Variants in MACF1 observed in about 807,000 individuals in gnomAD.
MACF1 encodes the protein microtubule-actin cross-linking factor 1.
In MACF1, 193 loss-of-function variants were observed where a neutral mutation model predicts 854.8. The ratio of observed to expected loss-of-function variants is 0.23; its 90% CI spans 0.20 to 0.25. The LOEUF is 0.25. Among genes scored for constraint, MACF1 ranks in the 10% least tolerant of loss-of-function variants. The pLI, the probability that MACF1 is intolerant of heterozygous loss-of-function variation, is 1.00. For missense variants in MACF1, 7,722 were observed against 8,929.1 expected, an observed-to-expected ratio of 0.86 and a Z score of 5.45; for synonymous variants, 3,185 against 3,226.7, an observed-to-expected ratio of 0.99 and a Z score of 0.44.
intron 2 of MACF1, among the ~76,000 whole-genome samples, chr1:39,238,520 C>CAA (rs1331799483): frequency 6.6e-6 from 1 of 152,164 alleles, no homozygotes; most frequent in Non-Finnish European, 1.5e-5. Context: ...TTGTCTCTAA[C>CAA]CGTTGGAGGA....
chr1:39,390,162 T>C (rs927727956), intron 58 of MACF1, among the ~76,000 whole-genome samples: 6 of 152,224 alleles, frequency 3.9e-5, no homozygotes, highest in Non-Finnish European at 7.3e-5. Flanking sequence ...GTACATGGAA[T>C]AGATTTGGAA....
intron 6 of MACF1, among the ~76,000 whole-genome samples, chr1:39,266,518 C>T (rs1645233339): frequency 6.7e-6 from 1 of 150,188 alleles, no homozygotes; most frequent in Admixed American, 6.7e-5. Flanking sequence ...GATGGGACAT[C>T]AGGAGGGTCT....
chr1:39,264,662 C>CTTTTTT, intron 6 of MACF1, among the ~76,000 whole-genome samples: 1 of 81,644 alleles, frequency 1.2e-5, no homozygotes, highest in African/African-American at 4.5e-5. Context: ...GATAGGATTT[C>CTTTTTT]TTTTTTTTTT....
At chr1:39,096,875 C>CTTTT (rs34305714) in intron 2 of MACF1, among the ~76,000 whole-genome samples, 4 of 123,802 alleles carry the variant, frequency 3.2e-5, no homozygotes, top group African/African-American at 6.0e-5. Context: ...TGAGGGATTC[C>CTTTT]TTTTTTTTTT....
chr1:39,170,774 G>A (rs1297697953), intron 2 of MACF1, among the ~76,000 whole-genome samples: 2 of 152,170 alleles, frequency 1.3e-5, no homozygotes, highest in Admixed American at 1.3e-4. Context: ...TTTTTGAAAA[G>A]CAAAGCACCT....
intron 31 of MACF1, 115 bp downstream of exon 31, chr1:39,319,862 T>C: frequency 1.4e-6 from 1 of 701,448 alleles, no homozygotes. Context: ...TGCTACAAGC[T>C]GGCCTGATCC....
intron 2 of MACF1, among the ~76,000 whole-genome samples, chr1:39,092,712 C>T (rs933737447): frequency 6.6e-6 from 1 of 152,178 alleles, no homozygotes; most frequent in Non-Finnish European, 1.5e-5. Context: ...TCAATTAATT[C>T]ATGGCCAATT....
intron 26 of MACF1, among the ~76,000 whole-genome samples, chr1:39,314,901 T>A (rs1240709241): frequency 1.3e-5 from 2 of 152,236 alleles, no homozygotes; most frequent in African/African-American, 4.8e-5. Context: ...CAGAAATTGC[T>A]TGTGTGTGTT....
rs1249826705 is a variant in MACF1, at chr1:39,105,372, G to C, written c.220+20934G>C. ...GCCGCGCCGGGGCGGGCTGAGGGAG[G>C]AGCGGAGCCGAGGGGTGAGGACGCG... On this transcript the variant is annotated intron_variant, in intron 2 of 93. Transcript: ENST00000361689. This position sits in a 1 kb window ranked among gnomAD's most constrained non-coding sequence, Gnocchi z 5.9. The C allele has an allele frequency of 3.9e-5, 38 of 982,004 alleles. No individual in the cohort carries two copies. The highest frequency in any genetic ancestry group is 4.6e-5 in the Non-Finnish European group (38 of 827,538). The allele number at this position is 982,004 out of a possible 1,614,324, so 60.8% of individuals were successfully genotyped here.
At chr1:39,101,691 G>A (rs1642081932) in intron 2 of MACF1, among the ~76,000 whole-genome samples, 1 of 151,266 alleles carries the variant, frequency 6.6e-6, no homozygotes, top group Non-Finnish European at 1.5e-5. Context: ...GGGCATGGTG[G>A]CGGGCGCCTG....
intron 2 of MACF1, among the ~76,000 whole-genome samples, chr1:39,162,575 CTTGT>C (rs1232991159): frequency 6.6e-6 from 1 of 152,104 alleles, no homozygotes; most frequent in Non-Finnish European, 1.5e-5. Flanking sequence ...TTTAAACATA[CTTGT>C]TTTAGAGCAT....
intron 14 of MACF1, among the ~76,000 whole-genome samples, chr1:39,286,965 AT>A (rs1199926338): frequency 2.6e-5 from 4 of 151,116 alleles, no homozygotes; most frequent in Middle Eastern, 3.2e-3. Context: ...TTTTATTTTT[AT>A]TTTTATTTTT....
intron 2 of MACF1, among the ~76,000 whole-genome samples, chr1:39,199,358 T>C (rs1354721645): frequency 6.7e-6 from 1 of 148,868 alleles, no homozygotes; most frequent in Non-Finnish European, 1.5e-5. Context: ...AGTTCAGACA[T>C]GGGCCAGACA....
intron 35 of MACF1, 89 bp from the exon 36 acceptor site, chr1:39,327,129 A>T (rs1007564540): frequency 7.0e-6 from 9 of 1,282,868 alleles, no homozygotes; most frequent in Non-Finnish European, 9.5e-6. Context: ...TCCATCCAAG[A>T]TGAAGAAGTA....
chr1:39,254,651 C>A, intron 5 of MACF1: 9 of 344,804 alleles, frequency 2.6e-5, no homozygotes, highest in South Asian at 1.4e-4. Flanking sequence ...AGGTGGGGGT[C>A]AAAATGAAGA....
intron 52 of MACF1, chr1:39,373,174 C>T (rs1201452415): frequency 1.3e-5 from 2 of 154,636 alleles, no homozygotes; most frequent in Non-Finnish European, 2.8e-5. Context: ...GGCATGGTGG[C>T]GGGTGCCTGT....
intron 67 of MACF1, 47 bp downstream of exon 67, chr1:39,432,701 G>A (rs370853301): frequency 1.3e-6 from 2 of 1,562,154 alleles, no homozygotes; most frequent in Non-Finnish European, 1.7e-6. Context: ...CAGTAACTTA[G>A]AGTGACTAGG....
chr1:39,338,061 G>A (rs1007854696), intron 38 of MACF1, among the ~76,000 whole-genome samples: 3 of 152,194 alleles, frequency 2.0e-5, no homozygotes, highest in Non-Finnish European at 4.4e-5. Flanking sequence ...GAGCCACCAC[G>A]CCCGGCCCTA....
At chr1:39,408,315 C>T (rs1642794927) in intron 58 of MACF1, among the ~76,000 whole-genome samples, 2 of 152,160 alleles carry the variant, frequency 1.3e-5, no homozygotes, top group Non-Finnish European at 2.9e-5. Context: ...GTAGAATGTG[C>T]CTAGAGTTAT....
Sources: allele counts gnomAD v4.1 joint callset (sites outside exome capture counted in the v4.1 genomes callset), GRCh38; gene constraint gnomAD v4.1.1; non-coding constraint Gnocchi (gnomAD v3.1); transcripts MANE v1.5; gene names NCBI Gene and HGNC (gene_info 2026-07-23, HGNC 2026-07-21).